ZSWIM5: variants seen among roughly 807,000 people sequenced by gnomAD.
ZSWIM5 encodes zinc finger SWIM-type containing 5.
In ZSWIM5, 55 loss-of-function variants were observed where a neutral mutation model predicts 119.6. The observed-to-expected ratio is 0.46, with a 90% CI of 0.37 to 0.58. ZSWIM5 has a LOEUF of 0.58. Ranked by LOEUF, ZSWIM5 falls within the 20% of genes least tolerant of loss-of-function variation. The pLI is 0.00. For synonymous variants in ZSWIM5, 537 were observed against 606.9 expected (o/e 0.88, Z 1.69); for missense variants, 1,193 against 1,512.8 (o/e 0.79, Z 3.51).
Position 45,158,632 on chromosome 1 carries a change from T to C in ZSWIM5, c.595+47124A>G, listed in dbSNP as rs1404396571. 2.6e-5 allele frequency among the ~76,000 whole-genome samples: 4 copies of C among 152,232 alleles called. No homozygotes were observed. In the South Asian group the frequency reaches 6.2e-4, roughly 24 times the overall value. On this transcript the variant is annotated intron_variant, in intron 1 of 13. Transcript: ENST00000359600. ...TGCATCTGTAAAATAGATATAATAA[T>C]TACCTTTATAGGTTTGTTGTGATGA...
At chr1:45,040,642 A>G in intron 6 of ZSWIM5, 104 bp from the exon 7 acceptor site, 2 of 939,584 alleles carry the variant, frequency 2.1e-6, no homozygotes, top group Non-Finnish European at 3.1e-6. Flanking sequence ...CTCAAATTCA[A>G]CCTGACACCT....
intron 1 of ZSWIM5, among the ~76,000 whole-genome samples, chr1:45,199,683 AAACATGTATCCAAGG>A (rs1356889446): frequency 4.6e-5 from 7 of 152,104 alleles, no homozygotes; most frequent in Admixed American, 1.3e-4. Flanking sequence ...AATGACCAAA[AAACATGTATCCAAGG>A]AACTTTTCAA....
intron 1 of ZSWIM5, among the ~76,000 whole-genome samples, chr1:45,126,955 C>T (rs992529547): frequency 2.0e-5 from 3 of 152,104 alleles, no homozygotes; most frequent in Non-Finnish European, 4.4e-5. Flanking sequence ...GCTACCACCT[C>T]GTTCTCCCGA....
intron 1 of ZSWIM5, among the ~76,000 whole-genome samples, chr1:45,177,406 C>T (rs1321543911): frequency 6.6e-6 from 1 of 152,044 alleles, no homozygotes; most frequent in East Asian, 1.9e-4. Flanking sequence ...ATTTAAGGTA[C>T]TTAAGTTTGC....
At chr1:45,151,992 T>C (rs1645799376) in intron 1 of ZSWIM5, among the ~76,000 whole-genome samples, 2 of 152,200 alleles carry the variant, frequency 1.3e-5, no homozygotes, top group African/African-American at 2.4e-5. Context: ...CATTGGTGTA[T>C]GATCCCTGCC....
chr1:45,144,348 C>T (rs531743757), intron 1 of ZSWIM5, among the ~76,000 whole-genome samples: 18 of 150,852 alleles, frequency 1.2e-4, no homozygotes, highest in South Asian at 4.2e-4. Context: ...GTCAGTATCA[C>T]GAGATCTTGT....
intron 1 of ZSWIM5, among the ~76,000 whole-genome samples, chr1:45,154,236 TA>T (rs1481979694): frequency 2.6e-5 from 4 of 151,116 alleles, no homozygotes; most frequent in South Asian, 4.2e-4. Flanking sequence ...TTTACAAAAC[TA>T]GAAAAAAAAA....
At chr1:45,168,664 C>CAAAAAAAAAAAAAAAAAAAAAAAAAAA (rs1024002696) in intron 1 of ZSWIM5, among the ~76,000 whole-genome samples, 1 of 39,224 alleles carries the variant, frequency 2.5e-5, no homozygotes, top group African/African-American at 8.9e-5. Context: ...GACTCCATCT[C>CAAAAAAAAAAAAAAAAAAAAAAAAAAA]AAAAAAAAAA....
chr1:45,187,501 G>C (rs1646066351), intron 1 of ZSWIM5, among the ~76,000 whole-genome samples: 1 of 151,852 alleles, frequency 6.6e-6, no homozygotes, highest in Non-Finnish European at 1.5e-5. Context: ...AAGAAAACAT[G>C]GTAGTAAATC....
intron 1 of ZSWIM5, among the ~76,000 whole-genome samples, chr1:45,164,963 G>C (rs1297964270): frequency 6.6e-6 from 1 of 152,072 alleles, no homozygotes; most frequent in Non-Finnish European, 1.5e-5. Context: ...GCACCAAGCA[G>C]ACCTAATAGA....
chr1:45,175,730 G>A (rs1279436799), intron 1 of ZSWIM5, among the ~76,000 whole-genome samples: 1 of 151,548 alleles, frequency 6.6e-6, no homozygotes, highest in Admixed American at 6.6e-5. Context: ...GGGATTATAG[G>A]CATGAACCAT....
At chr1:45,132,353 T>C (rs2149031187) in intron 1 of ZSWIM5, among the ~76,000 whole-genome samples, 1 of 152,210 alleles carries the variant, frequency 6.6e-6, no homozygotes, top group East Asian at 1.9e-4. Context: ...ATCTCTGAAG[T>C]CCCGTCTAGT....
intron 1 of ZSWIM5, among the ~76,000 whole-genome samples, chr1:45,178,922 A>C (rs1167779676): frequency 6.6e-6 from 1 of 152,090 alleles, no homozygotes; most frequent in Admixed American, 6.6e-5. Context: ...TACTATTTAA[A>C]ATTAAAATAA....
At chr1:45,177,274 G>T (rs1385827555) in intron 1 of ZSWIM5, among the ~76,000 whole-genome samples, 1 of 152,042 alleles carries the variant, frequency 6.6e-6, no homozygotes, top group African/African-American at 2.4e-5. Flanking sequence ...CTGAATGCTT[G>T]TTCTTATTTA....
chr1:45,130,960 T>C (rs1172999103), intron 1 of ZSWIM5, among the ~76,000 whole-genome samples: 1 of 152,206 alleles, frequency 6.6e-6, no homozygotes. Context: ...CAGAGAATTA[T>C]GCTGAGTGAA....
At chr1:45,058,584 A>C in intron 4 of ZSWIM5, 25 bp downstream of exon 4, 2 of 1,613,816 alleles carry the variant, frequency 1.2e-6, no homozygotes, top group Non-Finnish European at 1.7e-6. Flanking sequence ...AGAACAAAGC[A>C]CTTCTCTGAA....
intron 2 of ZSWIM5, among the ~76,000 whole-genome samples, chr1:45,087,083 C>T (rs1645335134): frequency 6.6e-6 from 1 of 152,016 alleles, no homozygotes; most frequent in Non-Finnish European, 1.5e-5. Context: ...AGGGTTTCAC[C>T]ATGTTCACTA....
intron 1 of ZSWIM5, among the ~76,000 whole-genome samples, chr1:45,139,552 T>C (rs1205920833): frequency 6.8e-6 from 1 of 146,294 alleles, no homozygotes; most frequent in Non-Finnish European, 1.5e-5. Flanking sequence ...TGAGCCACCA[T>C]GCCTGGCTTC....
intron 1 of ZSWIM5, among the ~76,000 whole-genome samples, chr1:45,185,435 A>G (rs929956666): frequency 6.6e-6 from 1 of 151,976 alleles, no homozygotes; most frequent in Non-Finnish European, 1.5e-5. Flanking sequence ...CTGCACAGCA[A>G]AAGAAACTAC....
Sources: allele counts gnomAD v4.1 joint callset (sites outside exome capture counted in the v4.1 genomes callset), GRCh38; gene constraint gnomAD v4.1.1; transcripts MANE v1.5; gene names NCBI Gene and HGNC (gene_info 2026-07-23, HGNC 2026-07-21).